The following KALRN variants were observed in gnomAD, a reference collection of about 807,000 sequenced individuals.
KALRN encodes the protein kalirin.
A neutral mutation model predicts 353.7 loss-of-function variants in KALRN; 70 were observed. That is an observed-to-expected ratio of 0.20 (90% confidence interval 0.16 to 0.24). The LOEUF (loss-of-function observed/expected upper bound fraction) is 0.24, where lower values mean the gene tolerates loss of function less well. Ranked by LOEUF, KALRN falls within the 10% of genes least tolerant of loss-of-function variation. KALRN has a pLI of 1.00. For missense variants in KALRN, 2,791 were observed against 3,756.7 expected (o/e 0.74, Z 6.72); for synonymous variants, 1,391 against 1,434.8 (o/e 0.97, Z 0.69).
In KALRN at chr3:124,359,764, G is replaced by A. The variant is rs551431401; in HGVS notation, c.1770+12499G>A. ...ATGGCGGTCTCTGTGGCAGCAAATGGTGATCATGTTGGTGCTGGTGGCTGG... is the reference window on the plus strand; with the variant it reads ...ATGGCGGTCTCTGTGGCAGCAAATGATGATCATGTTGGTGCTGGTGGCTGG... On this transcript the variant is annotated intron_variant, in intron 10 of 59. Coordinates refer to ENST00000682506, the MANE Select transcript of KALRN (RefSeq NM_001388419.1). Among the ~76,000 whole-genome samples, 10 of 152,314 alleles carry A rather than the reference G, an allele frequency of 6.6e-5. No individual in the cohort carries two copies. The East Asian group carries it at 1.9e-3, about 29-fold the overall frequency.
intron 1 of KALRN, chr3:124,152,356 CGAA>C (rs1230443556): frequency 3.3e-6 from 4 of 1,198,966 alleles, no homozygotes; most frequent in Non-Finnish European, 4.9e-6. Context: ...TTGACGAAGG[CGAA>C]GAAGCTGCAA....
At chr3:124,686,073 T>G (rs1049213328) in intron 51 of KALRN, among the ~76,000 whole-genome samples, 6 of 152,232 alleles carry the variant, frequency 3.9e-5, no homozygotes, top group African/African-American at 1.4e-4. Context: ...GTTCCCATGC[T>G]TAAGGCTTAA....
At chr3:124,223,567 G>A (rs556190570) in intron 1 of KALRN, among the ~76,000 whole-genome samples, 1 of 152,326 alleles carries the variant, frequency 6.6e-6, no homozygotes, top group East Asian at 1.9e-4. Context: ...AGGAAACAAA[G>A]AGCAATCCAT....
chr3:124,513,701 C>T (rs1429513105), intron 33 of KALRN, among the ~76,000 whole-genome samples: 2 of 152,154 alleles, frequency 1.3e-5, no homozygotes, highest in Non-Finnish European at 2.9e-5. Context: ...TCAGAGGGTT[C>T]CCTGAGCAGA....
At chr3:124,324,825 T>A (rs2079707920) in intron 6 of KALRN, among the ~76,000 whole-genome samples, 1 of 152,234 alleles carries the variant, frequency 6.6e-6, no homozygotes, top group South Asian at 2.1e-4. Context: ...GAACTACATC[T>A]GAGCTAACAG....
chr3:124,281,058 TA>T (rs942119809), intron 5 of KALRN, among the ~76,000 whole-genome samples: 5 of 151,338 alleles, frequency 3.3e-5, no homozygotes, highest in East Asian at 1.9e-4. Context: ...TAAAGTATAA[TA>T]AAAAAAAGAA....
chr3:124,439,200 TCACACACACACA>T (rs376221553), intron 18 of KALRN, among the ~76,000 whole-genome samples, 163 bp downstream of exon 18: 69 of 98,964 alleles, frequency 7.0e-4, no homozygotes, highest in African/African-American at 2.4e-3. Context: ...TCTCTCTCTC[TCACACACACACA>T]CACACACACA....
chr3:124,152,590 TTTC>T (rs1267900748), intron 1 of KALRN: 4,078 of 69,110 alleles, frequency 0.059, 42 homozygotes, highest in East Asian at 0.095. Flanking sequence ...TCTTTCTTTC[TTTC>T]TTTTTTTTTT....
chr3:124,416,572 T>C (rs2092509564), intron 14 of KALRN, among the ~76,000 whole-genome samples: 1 of 152,270 alleles, frequency 6.6e-6, no homozygotes, highest in South Asian at 2.1e-4. Context: ...CCAGGGGTTT[T>C]AGGAATGCTC....
intron 33 of KALRN, among the ~76,000 whole-genome samples, chr3:124,503,916 A>G (rs1577513053): frequency 6.6e-6 from 1 of 152,316 alleles, no homozygotes; most frequent in East Asian, 1.9e-4. Context: ...ATTTTGATTT[A>G]TATTCCATAG....
intron 25 of KALRN, among the ~76,000 whole-genome samples, chr3:124,467,103 C>T (rs2060416980): frequency 6.6e-6 from 1 of 152,232 alleles, no homozygotes; most frequent in African/African-American, 2.4e-5. Context: ...CCACCAGCCA[C>T]TGCCCTCCCA....
intron 27 of KALRN, among the ~76,000 whole-genome samples, chr3:124,482,059 GAGACTAGA>G (rs763518871): frequency 1.2e-4 from 18 of 152,188 alleles, no homozygotes; most frequent in Non-Finnish European, 2.5e-4. Context: ...ATTAAAAGGA[GAGACTAGA>G]AGCACAAACA....
At chr3:124,069,327 A>C (rs1424863723) in intron 1 of KALRN, among the ~76,000 whole-genome samples, 2 of 105,290 alleles carry the variant, frequency 1.9e-5, no homozygotes, top group Non-Finnish European at 3.5e-5. Flanking sequence ...GAGGAGGAGG[A>C]GGAGGAGGAG....
intron 13 of KALRN, among the ~76,000 whole-genome samples, chr3:124,411,433 C>CTTTGTTTTTTTT (rs2092142049): frequency 1.9e-5 from 1 of 51,480 alleles, no homozygotes; most frequent in Non-Finnish European, 3.8e-5. Flanking sequence ...TTAAATTATG[C>CTTTGTTTTTTTT]TTTTTTTTTT....
chr3:124,201,753 G>A (rs572768672), intron 1 of KALRN, among the ~76,000 whole-genome samples: 191 of 152,320 alleles, frequency 1.3e-3, no homozygotes, highest in African/African-American at 4.4e-3. Context: ...ATAGACCTGG[G>A]AGTGTTTGCT....
chr3:124,602,138 T>C (rs1304489676), intron 34 of KALRN, among the ~76,000 whole-genome samples: 4 of 152,150 alleles, frequency 2.6e-5, no homozygotes, highest in African/African-American at 7.2e-5. Flanking sequence ...GAAATGACAT[T>C]TTGGCTAAAT....
chr3:124,405,896 G>A (rs574746311), intron 13 of KALRN, among the ~76,000 whole-genome samples: 42 of 152,124 alleles, frequency 2.8e-4, no homozygotes, highest in African/African-American at 9.4e-4. Context: ...CGCCCGCCTC[G>A]GCCTCCCAAA....
chr3:124,126,096 G>GT (rs537584982), intron 1 of KALRN, among the ~76,000 whole-genome samples: 239 of 152,200 alleles, frequency 1.6e-3, no homozygotes, highest in African/African-American at 5.4e-3. Flanking sequence ...AATACAAAAT[G>GT]TTGAATAGGA....
rs2084216966 is a variant in KALRN, at chr3:124,657,508, A to C, written c.5923A>C (p.Ile1975Leu). ...VPEDMRGKDK[I>L]VFGNIHQIYD... ...TGAGGATATGCGAGGAAAGGACAAA[A>C]TCGTGTTTGGAAATATTCATCAGAT... is the stretch of plus-strand genomic sequence containing the variant. Residue 1975 changes from isoleucine (I) to leucine (L), a missense_variant, in exon 40 of 60, where the codon ATC becomes CTC. Coordinates refer to ENST00000682506, the MANE Select transcript of KALRN (RefSeq NM_001388419.1). The C allele has an allele frequency of 6.2e-7, 1 of 1,614,082 alleles. No homozygotes were observed. Among genetic ancestry groups the C allele is most frequent in the Non-Finnish European group, 8.5e-7 (1 of 1,179,948 alleles).
Sources: allele counts gnomAD v4.1 joint callset (sites outside exome capture counted in the v4.1 genomes callset), GRCh38; gene constraint gnomAD v4.1.1; transcripts MANE v1.5; gene names NCBI Gene and HGNC (gene_info 2026-07-23, HGNC 2026-07-21).